SLAMF9: variants seen among roughly 807,000 people sequenced by gnomAD.
SLAMF9 encodes the protein CD2 family member 10.
SLAMF9 carries 25 observed loss-of-function variants against 30.4 expected under a neutral mutation model. The observed-to-expected ratio is 0.82, with a 90% CI of 0.60 to 1.15. The LOEUF is 1.15. SLAMF9 is among the 50% of genes most tolerant of loss of function. SLAMF9 has a pLI of 0.00. For synonymous variants in SLAMF9, 129 were observed against 127.2 expected, an observed-to-expected ratio of 1.01 and a Z score of -0.09; for missense variants, 344 against 346.1, an observed-to-expected ratio of 0.99 and a Z score of 0.05.
chr1:159,957,121 C>CAAA (rs55697835), upstream of SLAMF9, among the ~76,000 whole-genome samples: 238 of 72,912 alleles, frequency 3.3e-3, 10 homozygotes, highest in African/African-American at 0.013. Context: ...GACTCTGTCT[C>CAAA]AAAAAAAAAA....
At chr1:159,981,853 A>G in the SLAMF9 span, among the ~76,000 whole-genome samples, 1 of 152,248 alleles carries the variant, frequency 6.6e-6, no homozygotes, top group African/African-American at 2.4e-5. Context: ...GTTCTGGGAC[A>G]CTAAGCCTGG....
At chr1:159,959,444 C>A in the SLAMF9 span, among the ~76,000 whole-genome samples, 6 of 152,076 alleles carry the variant, frequency 3.9e-5, no homozygotes, top group Non-Finnish European at 7.4e-5. Context: ...CCAGGACAAC[C>A]AAGCAGGCTG....
the SLAMF9 span, among the ~76,000 whole-genome samples, chr1:159,963,036 G>T: frequency 6.6e-6 from 1 of 152,170 alleles, no homozygotes; most frequent in Non-Finnish European, 1.5e-5. Flanking sequence ...GGAGATGGTG[G>T]GTGGGCAGTG....
the SLAMF9 span, chr1:159,978,594 C>T: frequency 6.6e-6 from 1 of 152,156 alleles, no homozygotes; most frequent in Admixed American, 6.5e-5. Context: ...CTTTTGTTTT[C>T]CCTAGTCTTT....
the SLAMF9 span, chr1:159,983,527 G>T: frequency 6.6e-6 from 1 of 152,108 alleles, no homozygotes; most frequent in Non-Finnish European, 1.5e-5. Flanking sequence ...TGTTTTGTTT[G>T]TTTTTTGCTT....
the SLAMF9 span, chr1:159,973,232 T>C: frequency 3.6e-6 from 4 of 1,125,750 alleles, no homozygotes; most frequent in Non-Finnish European, 5.4e-6. Flanking sequence ...GGCTTCCCTC[T>C]TAGGGCTCAG....
At chr1:159,966,183 C>T in the SLAMF9 span, among the ~76,000 whole-genome samples, 1 of 152,136 alleles carries the variant, frequency 6.6e-6, no homozygotes, top group African/African-American at 2.4e-5. Context: ...TTATATTCCA[C>T]ATCTAAATAA....
chr1:159,958,033 C>T (rs1651964215), upstream of SLAMF9, among the ~76,000 whole-genome samples: 1 of 152,216 alleles, frequency 6.6e-6, no homozygotes, highest in Admixed American at 6.5e-5. Flanking sequence ...TAGCAGGGAG[C>T]TCTGGCACCG....
upstream of SLAMF9, among the ~76,000 whole-genome samples, chr1:159,957,000 T>C (rs567516983): frequency 2.0e-5 from 3 of 151,366 alleles, no homozygotes; most frequent in South Asian, 2.1e-4. Flanking sequence ...CGGGTGCCTG[T>C]AGTCTCAGCT....
the SLAMF9 span, chr1:159,973,217 A>C: frequency 2.4e-6 from 3 of 1,272,974 alleles, no homozygotes; most frequent in Admixed American, 5.2e-5. Flanking sequence ...ATCTCAGGGT[A>C]ACCAGGCTTC....
chr1:159,960,191 G>C, the SLAMF9 span, among the ~76,000 whole-genome samples: 3 of 123,150 alleles, frequency 2.4e-5, no homozygotes, highest in East Asian at 2.4e-4. Flanking sequence ...ACAGTCCCCG[G>C]TGTGTGATGT....
chr1:159,953,760 T>C, intron 1 of SLAMF9, 107 bp from the exon 2 acceptor site: 4 of 977,654 alleles, frequency 4.1e-6, no homozygotes, highest in Non-Finnish European at 6.0e-6. Context: ...GCAGCTTCTA[T>C]GACTCTCACA....
At chr1:159,976,168 A>G in the SLAMF9 span, among the ~76,000 whole-genome samples, 1 of 152,036 alleles carries the variant, frequency 6.6e-6, no homozygotes, top group Non-Finnish European at 1.5e-5. Context: ...GAATATCTAT[A>G]TAATATATAT....
chr1:159,978,644 G>A, the SLAMF9 span: 1 of 152,198 alleles, frequency 6.6e-6, no homozygotes, highest in Admixed American at 6.5e-5. Context: ...GTGCTGAAGT[G>A]GAAGCAAAGT....
At chr1:159,953,205 A>G (rs1651820570) in intron 2 of SLAMF9, 104 bp downstream of exon 2, 1 of 907,160 alleles carries the variant, frequency 1.1e-6, no homozygotes, top group Non-Finnish European at 1.7e-6. Flanking sequence ...CTCCAGTTCT[A>G]GCCCCTCAAA....
chr1:159,972,918 A>C, the SLAMF9 span: 1 of 1,008,550 alleles, frequency 9.9e-7, no homozygotes, highest in African/African-American at 1.7e-5. Flanking sequence ...GACACTTCCC[A>C]CAACTCCTCT....
chr1:159,979,411 G>A, the SLAMF9 span, among the ~76,000 whole-genome samples: 1 of 152,216 alleles, frequency 6.6e-6, no homozygotes, highest in Non-Finnish European at 1.5e-5. Flanking sequence ...ACTGGTCTAA[G>A]ATGTTTATAA....
Position 159,951,611 on chromosome 1 carries a change from C to G in SLAMF9, c.*50G>C, listed in dbSNP as rs569805928. On this transcript the variant is annotated 3_prime_UTR_variant, in exon 4 of 4. Transcript: ENST00000368093. ...AAGAAGAGAGCTGAGGAAGGATTCT[C>G]TGGGTGCTGGGAAGAAACCAAGCTC... is the stretch of plus-strand genomic sequence containing the variant. 5 of 1,565,146 alleles carry G rather than the reference C, an allele frequency of 3.2e-6. No homozygotes were observed. In the African/African-American group the frequency reaches 5.4e-5, roughly 17 times the overall value.
the SLAMF9 span, among the ~76,000 whole-genome samples, chr1:159,964,004 G>T: frequency 6.6e-6 from 1 of 152,182 alleles, no homozygotes; most frequent in African/African-American, 2.4e-5. Flanking sequence ...AGGTTGCAGT[G>T]AGCAGAGATC....
Sources: allele counts gnomAD v4.1 joint callset (sites outside exome capture counted in the v4.1 genomes callset), GRCh38; gene constraint gnomAD v4.1.1; transcripts MANE v1.5; gene names NCBI Gene and HGNC (gene_info 2026-07-23, HGNC 2026-07-21).